ZNF804A: variants seen among roughly 807,000 people sequenced by gnomAD.
The protein encoded by ZNF804A is zinc finger protein 804A.
Under a neutral mutation model 16.5 loss-of-function variants are expected in ZNF804A, and 2 were observed. That is an observed-to-expected ratio of 0.12 (90% confidence interval 0.05 to 0.38). ZNF804A has a LOEUF of 0.38. Among genes scored for constraint, ZNF804A ranks in the 10% least tolerant of loss-of-function variants. ZNF804A has a pLI of 0.99. For missense variants in ZNF804A, 1,473 were observed against 1,390.7 expected (o/e 1.06, Z -0.94); for synonymous variants, 534 against 489.6 (o/e 1.09, Z -1.20).
chr2:184,856,711 CA>C (rs982465903), intron 1 of ZNF804A, among the ~76,000 whole-genome samples: 49 of 152,074 alleles, frequency 3.2e-4, no homozygotes, highest in African/African-American at 1.2e-3. Flanking sequence ...TTGTTGCATG[CA>C]TATAATTGAA....
At chr2:184,619,746 A>G (rs1691387809) in intron 1 of ZNF804A, among the ~76,000 whole-genome samples, 1 of 151,948 alleles carries the variant, frequency 6.6e-6, no homozygotes, top group African/African-American at 2.4e-5. Flanking sequence ...TTGTGATCTC[A>G]TCACAACCAC....
chr2:184,785,434 TA>T (rs1266722588), intron 1 of ZNF804A, among the ~76,000 whole-genome samples: 2 of 152,070 alleles, frequency 1.3e-5, no homozygotes, highest in Admixed American at 1.3e-4. Context: ...ATTAATTTTT[TA>T]TCTGTTAAAA....
At chr2:184,617,407 A>G (rs1247802145) in intron 1 of ZNF804A, among the ~76,000 whole-genome samples, 1 of 151,992 alleles carries the variant, frequency 6.6e-6, no homozygotes, top group Non-Finnish European at 1.5e-5. Flanking sequence ...TGATTGAGAC[A>G]ATAAATTTGT....
At chr2:184,806,984 T>A (rs557335561) in intron 1 of ZNF804A, among the ~76,000 whole-genome samples, 1 of 151,974 alleles carries the variant, frequency 6.6e-6, no homozygotes, top group Non-Finnish European at 1.5e-5. Flanking sequence ...ATTATGTTTA[T>A]GTATTTTATT....
chr2:184,632,286 A>G (rs1691624428), intron 1 of ZNF804A, among the ~76,000 whole-genome samples: 1 of 152,176 alleles, frequency 6.6e-6, no homozygotes, highest in Non-Finnish European at 1.5e-5. Flanking sequence ...TTATGTTTTC[A>G]ATCAGTGAGT....
chr2:184,685,286 AG>A (rs960920084), intron 1 of ZNF804A, among the ~76,000 whole-genome samples: 1 of 152,062 alleles, frequency 6.6e-6, no homozygotes, highest in African/African-American at 2.4e-5. Flanking sequence ...AGAAGCTTAA[AG>A]ATGCCAGGAA....
intron 1 of ZNF804A, among the ~76,000 whole-genome samples, chr2:184,772,339 C>A (rs1163582832): frequency 6.6e-6 from 1 of 150,802 alleles, no homozygotes; most frequent in Admixed American, 6.6e-5. Context: ...GATCCATTTC[C>A]CATCTCTATA....
chr2:184,605,752 AG>A (rs1405470340), intron 1 of ZNF804A, among the ~76,000 whole-genome samples: 2 of 152,122 alleles, frequency 1.3e-5, no homozygotes, highest in Non-Finnish European at 2.9e-5. Flanking sequence ...TATATATCCT[AG>A]GGGGATCTTA....
chr2:184,782,546 A>T (rs1456879540), intron 1 of ZNF804A, among the ~76,000 whole-genome samples: 1 of 150,854 alleles, frequency 6.6e-6, no homozygotes, highest in African/African-American at 2.4e-5. Context: ...TGAACATTAG[A>T]CTCCACGTTC....
At chr2:184,676,797 G>C (rs1422292781) in intron 1 of ZNF804A, among the ~76,000 whole-genome samples, 1 of 151,688 alleles carries the variant, frequency 6.6e-6, no homozygotes, top group African/African-American at 2.4e-5. Context: ...ACACTGTAGT[G>C]TTCTATGACC....
At position 184,888,567 on chromosome 2, in the gene ZNF804A, T is replaced by C. The variant is rs576613572; in HGVS notation, c.255+22055T>C. Among the ~76,000 whole-genome samples the C allele has an allele frequency of 5.9e-5, 9 of 151,362 alleles. No individual in the cohort carries two copies. The South Asian group carries it at 1.9e-3, about 32-fold the overall frequency. On this transcript the variant is annotated intron_variant, in intron 2 of 3. Transcript: ENST00000302277. ...CATCCCAAAGTGATGGATACAAACT[T>C]TGAAGAATTTTACCTGAATCTACAC...
chr2:184,752,731 A>C (rs1693895487), intron 1 of ZNF804A, among the ~76,000 whole-genome samples: 1 of 151,826 alleles, frequency 6.6e-6, no homozygotes, highest in African/African-American at 2.4e-5. Context: ...CAAAATATAT[A>C]ACGTTTAATA....
chr2:184,892,483 C>CT (rs869292193), intron 2 of ZNF804A, among the ~76,000 whole-genome samples: 45,806 of 104,350 alleles, frequency 0.44, 12,224 homozygotes, highest in East Asian at 0.66. Context: ...TTGTTGTGTT[C>CT]TTTTTTTTTT....
chr2:184,767,040 T>G (rs749869099), intron 1 of ZNF804A, among the ~76,000 whole-genome samples: 7 of 152,120 alleles, frequency 4.6e-5, no homozygotes, highest in Non-Finnish European at 8.8e-5. Context: ...GAAAGCAGCT[T>G]TATCTACAAG....
chr2:184,636,206 A>T (rs144189453), intron 1 of ZNF804A, among the ~76,000 whole-genome samples: 1 of 151,900 alleles, frequency 6.6e-6, no homozygotes, highest in Non-Finnish European at 1.5e-5. Context: ...TTAATCAAAT[A>T]TTCAGTGACT....
At chr2:184,629,000 C>A (rs1258230801) in intron 1 of ZNF804A, among the ~76,000 whole-genome samples, 1 of 151,692 alleles carries the variant, frequency 6.6e-6, no homozygotes, top group Non-Finnish European at 1.5e-5. Flanking sequence ...TTTTTTCATT[C>A]TCTCATTTTT....
intron 1 of ZNF804A, among the ~76,000 whole-genome samples, chr2:184,638,286 G>C (rs1691735251): frequency 6.6e-6 from 1 of 152,134 alleles, no homozygotes. Context: ...CAGACTTGGG[G>C]CTTCAAAATT....
intron 1 of ZNF804A, among the ~76,000 whole-genome samples, chr2:184,780,995 A>T (rs1694364008): frequency 6.6e-6 from 1 of 151,772 alleles, no homozygotes; most frequent in Admixed American, 6.6e-5. Context: ...GGTAAATTCC[A>T]TGAAGTCTGA....
chr2:184,897,415 T>TCCC (rs1553486888), intron 2 of ZNF804A, among the ~76,000 whole-genome samples: 1 of 149,842 alleles, frequency 6.7e-6, no homozygotes, highest in African/African-American at 2.5e-5. Context: ...TTTGGATTTT[T>TCCC]CCCCCCCTTT....
Sources: gnomAD v4.1 joint callset for allele counts (sites outside exome capture counted in the v4.1 genomes callset) on GRCh38, gnomAD v4.1.1 for gene constraint, MANE v1.5 for transcripts, NCBI Gene and HGNC (gene_info 2026-07-23, HGNC 2026-07-21) for gene names.